Variants in ENTPD5 observed in about 807,000 individuals in gnomAD.
ENTPD5 encodes the protein nucleoside diphosphate phosphatase ENTPD5.
Under a neutral mutation model 60.2 loss-of-function variants are expected in ENTPD5, and 49 were observed. The observed-to-expected ratio is 0.81, with a 90% CI of 0.65 to 1.03. The LOEUF (loss-of-function observed/expected upper bound fraction) is 1.03. ENTPD5 is among the 50% of genes least tolerant of loss of function. The pLI is 0.00. For synonymous variants in ENTPD5, 187 were observed against 185.4 expected, an observed-to-expected ratio of 1.01 and a Z score of -0.07; for missense variants, 480 against 507.6, an observed-to-expected ratio of 0.95 and a Z score of 0.52.
Position 73,987,995 on chromosome 14 carries a change from A to G in ENTPD5, c.108T>C (p.Ser36=), listed in dbSNP as rs772655406. The G allele has an allele frequency of 2.4e-5, 38 of 1,614,078 alleles. No individual in the cohort carries two copies. Among genetic ancestry groups the G allele is most frequent in the Non-Finnish European group, 5.9e-6 (7 of 1,180,042 alleles). ...CGCTGACATTGATGGGGCACATGGAAGACAGGAAGATACCCTCAAACCAAG... is the reference window on the plus strand; with the variant it reads ...CGCTGACATTGATGGGGCACATGGAGGACAGGAAGATACCCTCAAACCAAG... ...QQTWFEGIFL[S]SMCPINVSAS... Residue 36 remains serine (S), a synonymous_variant, in exon 4 of 16, where the codon TCT becomes TCC. Coordinates refer to ENST00000334696, the MANE Select transcript of ENTPD5 (RefSeq NM_001249.5).
At chr14:73,962,163 G>A (rs1432903331), downstream of ENTPD5, among the ~76,000 whole-genome samples, 1 of 151,850 alleles carries the variant, frequency 6.6e-6, no homozygotes, top group East Asian at 1.9e-4. Flanking sequence ...GGCCAAGCTG[G>A]TCTTGAACTC....
chr14:74,012,528 T>C (rs2058879077), intron 2 of ENTPD5, among the ~76,000 whole-genome samples: 1 of 152,160 alleles, frequency 6.6e-6, no homozygotes, highest in Admixed American at 6.5e-5. Flanking sequence ...TTCTCAAAAT[T>C]TTCATTAATG....
downstream of ENTPD5, among the ~76,000 whole-genome samples, chr14:73,962,422 G>A (rs113145643): frequency 0.021 from 3,271 of 152,168 alleles, 115 homozygotes; most frequent in African/African-American, 0.075. Context: ...TAGGGAGTGT[G>A]GTGGCACATG....
chr14:74,010,459 C>T (rs994821530), intron 3 of ENTPD5, among the ~76,000 whole-genome samples: 3 of 151,860 alleles, frequency 2.0e-5, no homozygotes, highest in African/African-American at 7.3e-5. Flanking sequence ...GAGGCTGAGG[C>T]AGGAGAATCG....
intron 3 of ENTPD5, among the ~76,000 whole-genome samples, chr14:73,995,619 A>AATAATAATAATG (rs71460939): frequency 3.4e-5 from 5 of 148,892 alleles, no homozygotes; most frequent in African/African-American, 1.2e-4. Context: ...TAATAATAAT[A>AATAATAATAATG]GCTGACTGCT....
chr14:73,992,719 G>A (rs1415907489), intron 3 of ENTPD5, among the ~76,000 whole-genome samples: 1 of 149,656 alleles, frequency 6.7e-6, no homozygotes, highest in Admixed American at 6.7e-5. Context: ...AAAGTTAATT[G>A]CAGCTGGGTG....
downstream of ENTPD5, chr14:73,960,029 C>T (rs1456053359): frequency 2.0e-6 from 2 of 1,011,352 alleles, no homozygotes; most frequent in Non-Finnish European, 2.4e-6. Flanking sequence ...TTGTGGGCTG[C>T]TGTTAGGCTG....
chr14:74,010,905 T>C (rs1169708705), intron 3 of ENTPD5, among the ~76,000 whole-genome samples, 186 bp downstream of exon 3: 4 of 152,232 alleles, frequency 2.6e-5, no homozygotes. Flanking sequence ...TATTAGAATT[T>C]CATGTCAACA....
At chr14:74,001,705 A>AGG (rs781548283) in intron 3 of ENTPD5, among the ~76,000 whole-genome samples, 50 of 141,128 alleles carry the variant, frequency 3.5e-4, no homozygotes, top group Non-Finnish European at 6.7e-4. Flanking sequence ...AAAAAAAGCC[A>AGG]GGCATGGTGG....
intron 5 of ENTPD5, among the ~76,000 whole-genome samples, chr14:73,985,082 T>C (rs898834913): frequency 9.2e-5 from 14 of 152,218 alleles, no homozygotes; most frequent in African/African-American, 3.4e-4. Flanking sequence ...ATCCTTTTTT[T>C]ATGGCTACAT....
rs945843538 is a variant in ENTPD5, at chr14:74,015,883, T to G, written c.-190A>C. On this transcript the variant is annotated 5_prime_UTR_variant, in exon 2 of 16. Coordinates refer to ENST00000334696, the MANE Select transcript of ENTPD5 (RefSeq NM_001249.5). Reference sequence around the variant, plus strand: ...CATAATGATCTTGTCTGTATGAGGATTCAGCCAAGACACTCCACATTTCTT... The same window carrying G: ...CATAATGATCTTGTCTGTATGAGGAGTCAGCCAAGACACTCCACATTTCTT... 1 of 152,164 alleles carries G rather than the reference T, an allele frequency of 6.6e-6. No homozygotes were observed. Among genetic ancestry groups the G allele is most frequent in the Non-Finnish European group, 1.5e-5 (1 of 68,030 alleles). 9.4% of individuals were successfully genotyped at this position (152,164 alleles called of 1,614,324 possible). A position where few individuals can be genotyped will look rare whatever the true frequency, so the allele number is the denominator to read the frequency against.
downstream of ENTPD5, chr14:73,961,845 C>A (rs148444170): frequency 3.5e-4 from 569 of 1,614,204 alleles, 4 homozygotes; most frequent in East Asian, 7.5e-3. Context: ...AGTGCCTCCC[C>A]GCTTGTGTTG....
At position 73,967,304 on chromosome 14, in the gene ENTPD5, T is replaced by G. The variant is rs564172957; in HGVS notation, c.1201-290A>C. ...GAGATAGTTTAGACAGACAGTATTC[T>G]GAACTTTCCCTAACGTTGAAACTAC... On this transcript the variant is annotated intron_variant, in intron 15 of 15. Coordinates refer to ENST00000334696, the MANE Select transcript of ENTPD5 (RefSeq NM_001249.5). Among the ~76,000 whole-genome samples, 3 of 152,360 alleles carry G rather than the reference T, an allele frequency of 2.0e-5. No homozygotes were observed. In the South Asian group the frequency reaches 6.2e-4, roughly 32 times the overall value.
At chr14:73,955,997 ATC>A, downstream of ENTPD5, 1 of 1,602,328 alleles carries the variant, frequency 6.2e-7, no homozygotes, top group Non-Finnish European at 8.5e-7. Context: ...GGAAGAAAGG[ATC>A]TCTTTTACAA....
chr14:73,995,014 T>G (rs1235000763), intron 3 of ENTPD5, among the ~76,000 whole-genome samples: 3 of 151,856 alleles, frequency 2.0e-5, no homozygotes, highest in Non-Finnish European at 4.4e-5. Flanking sequence ...CTGCCACCTT[T>G]ACCCACTATG....
At chr14:73,999,351 G>T (rs1035110951) in intron 3 of ENTPD5, among the ~76,000 whole-genome samples, 3 of 151,900 alleles carry the variant, frequency 2.0e-5, no homozygotes, top group African/African-American at 7.3e-5. Flanking sequence ...AGCCAGGTGT[G>T]GTGGCATGCG....
At chr14:73,958,754 G>C (rs951072697), downstream of ENTPD5, 6 of 1,450,728 alleles carry the variant, frequency 4.1e-6, no homozygotes, top group Non-Finnish European at 5.4e-6. Flanking sequence ...CTCATGGCTG[G>C]CACCTGTTCA....
chr14:73,994,558 C>A (rs938562235), intron 3 of ENTPD5, among the ~76,000 whole-genome samples: 7 of 151,770 alleles, frequency 4.6e-5, no homozygotes, highest in African/African-American at 1.7e-4. Flanking sequence ...CATGGTGACA[C>A]CCCATCTCTA....
chr14:73,986,977 A>G, intron 4 of ENTPD5, 84 bp from the exon 5 acceptor site: 1 of 1,018,502 alleles, frequency 9.8e-7, no homozygotes, highest in Non-Finnish European at 1.6e-6. Context: ...TGTCTCTGTA[A>G]GTTTTCCTAT....
Sources: gnomAD v4.1 joint callset for allele counts (sites outside exome capture counted in the v4.1 genomes callset) on GRCh38, gnomAD v4.1.1 for gene constraint, MANE v1.5 for transcripts, NCBI Gene and HGNC (gene_info 2026-07-23, HGNC 2026-07-21) for gene names.